The following PLXDC2 variants were observed in gnomAD, a reference collection of about 807,000 sequenced individuals.
PLXDC2 encodes the protein plexin domain-containing protein 2.
In PLXDC2, 40 loss-of-function variants were observed where a neutral mutation model predicts 68.9. The ratio of observed to expected loss-of-function variants is 0.58; its 90% CI spans 0.45 to 0.76. The LOEUF (loss-of-function observed/expected upper bound fraction) is 0.76. PLXDC2 is among the 30% of genes least tolerant of loss of function. The pLI is 0.00. For synonymous variants in PLXDC2, 243 were observed against 234.2 expected (o/e 1.04, Z -0.34); for missense variants, 644 against 661.9 (o/e 0.97, Z 0.30).
intron 4 of PLXDC2, among the ~76,000 whole-genome samples, chr10:20,132,681 A>T (rs556282587): frequency 5.3e-4 from 81 of 151,500 alleles, no homozygotes; most frequent in Non-Finnish European, 9.1e-4. Context: ...TTTTGCAGGG[A>T]CTATCTTTTT....
chr10:20,044,207 C>CTT (rs1409929525), intron 2 of PLXDC2, among the ~76,000 whole-genome samples: 19 of 90,000 alleles, frequency 2.1e-4, no homozygotes, highest in Admixed American at 3.7e-4. Flanking sequence ...CTCTCTCTCT[C>CTT]TCTGTCTTTC....
intron 4 of PLXDC2, among the ~76,000 whole-genome samples, chr10:20,093,840 A>G (rs1833313439): frequency 6.6e-6 from 1 of 151,938 alleles, no homozygotes; most frequent in Non-Finnish European, 1.5e-5. Context: ...TGCCTGGCTA[A>G]TTTTTTGTAT....
intron 1 of PLXDC2, among the ~76,000 whole-genome samples, chr10:19,841,265 A>T (rs1056745953): frequency 6.6e-6 from 1 of 152,316 alleles, no homozygotes; most frequent in Admixed American, 6.5e-5. Flanking sequence ...TGATTAAAAA[A>T]TCAGCCCATG....
rs1247150476 is a variant in PLXDC2 at position 20,193,470 on chromosome 10, TC to T, written c.1061+16062del. 1.4e-4 allele frequency among the ~76,000 whole-genome samples: 21 copies of T among 152,148 alleles called. 1 individual carries two copies. In the Middle Eastern group the frequency reaches 0.014, roughly 99 times the overall value. On this transcript the variant is annotated intron_variant, in intron 9 of 13. Transcript: ENST00000377252. ...AACAGACAGCAAGTGAGGGACCAAG[TC>T]AGACTGATAGAATAGTGTTTGCAGA... is the stretch of plus-strand genomic sequence containing the variant.
Position 20,117,421 on chromosome 10 carries a change from G to A in PLXDC2, c.542-25874G>A, listed in dbSNP as rs533944341. Among the ~76,000 whole-genome samples, 6 of 152,258 alleles carry A rather than the reference G, an allele frequency of 3.9e-5. No homozygotes were observed. The East Asian group carries it at 1.2e-3, about 29-fold the overall frequency. On this transcript the variant is annotated intron_variant, in intron 4 of 13. Transcript: ENST00000377252. ...TATGTGTTTGTGTGTGCATGCGTGT[G>A]TGTGAGTGCACATGTATACTGACAA...
intron 12 of PLXDC2, among the ~76,000 whole-genome samples, chr10:20,239,390 G>C (rs1441374582): frequency 6.6e-6 from 1 of 152,180 alleles, no homozygotes; most frequent in African/African-American, 2.4e-5. Flanking sequence ...ATAAACAAAA[G>C]AGGTTTAATT....
chr10:20,258,891 C>T (rs964815221), intron 13 of PLXDC2, among the ~76,000 whole-genome samples: 2 of 151,944 alleles, frequency 1.3e-5, no homozygotes, highest in South Asian at 4.2e-4. Context: ...GCTTGTAGTC[C>T]CAGCTACTCA....
chr10:20,287,734 G>A lies in PLXDC2; in HGVS notation c.*7915G>A, dbSNP rs1490305406. 1 of 152,124 alleles carries A rather than the reference G, an allele frequency of 6.6e-6. No individual in the cohort carries two copies. The highest frequency in any genetic ancestry group is 1.5e-5 in the Non-Finnish European group (1 of 68,030). The allele number at this position is 152,124 out of a possible 1,614,324, so 9.4% of individuals were successfully genotyped here. On this transcript the variant is annotated 3_prime_UTR_variant, in exon 14 of 14. Transcript: ENST00000377252. ...CCAGTCTTGGGGCCCTCACGGAGAAGAGGGGGAAGTCTTTTCATTGATTGG... is the reference window on the plus strand; with the variant it reads ...CCAGTCTTGGGGCCCTCACGGAGAAAAGGGGGAAGTCTTTTCATTGATTGG...
chr10:19,857,602 A>G (rs2131331899), intron 1 of PLXDC2, among the ~76,000 whole-genome samples: 1 of 152,310 alleles, frequency 6.6e-6, no homozygotes, highest in African/African-American at 2.4e-5. Context: ...TTCTTTTTCC[A>G]ATTTGTAAAG....
At chr10:20,071,100 G>C (rs2131709217) in intron 4 of PLXDC2, 1 of 152,254 alleles carries the variant, frequency 6.6e-6, no homozygotes, top group African/African-American at 2.4e-5. Flanking sequence ...AACAATCTGT[G>C]CTCTATTTAA....
chr10:20,109,719 A>G (rs779451321), intron 4 of PLXDC2, among the ~76,000 whole-genome samples: 2 of 152,232 alleles, frequency 1.3e-5, no homozygotes, highest in Admixed American at 6.5e-5. Flanking sequence ...CTATAATTAG[A>G]AAACGATCCC....
chr10:19,860,930 A>G (rs921515197), intron 1 of PLXDC2, among the ~76,000 whole-genome samples: 23 of 151,930 alleles, frequency 1.5e-4, no homozygotes, highest in African/African-American at 5.1e-4. Context: ...TACTTTCTCA[A>G]CATCTCTTAA....
intron 4 of PLXDC2, among the ~76,000 whole-genome samples, chr10:20,130,200 A>G (rs540916157): frequency 7.9e-5 from 12 of 152,156 alleles, no homozygotes; most frequent in South Asian, 4.1e-4. Flanking sequence ...TCTTTCACCA[A>G]TGCTTCAGTT....
chr10:20,058,077 G>C (rs901352921), intron 3 of PLXDC2, among the ~76,000 whole-genome samples: 3 of 152,040 alleles, frequency 2.0e-5, no homozygotes, highest in African/African-American at 7.2e-5. Flanking sequence ...ATTTCAAACA[G>C]CAATTGAATT....
chr10:20,123,452 A>G (rs1042007251), intron 4 of PLXDC2, among the ~76,000 whole-genome samples: 1 of 152,192 alleles, frequency 6.6e-6, no homozygotes, highest in Non-Finnish European at 1.5e-5. Context: ...ATCTTGTAAG[A>G]TGGAAAAATC....
chr10:19,947,239 G>A (rs1833916627), intron 1 of PLXDC2, among the ~76,000 whole-genome samples: 1 of 152,180 alleles, frequency 6.6e-6, no homozygotes, highest in Admixed American at 6.5e-5. Flanking sequence ...ATTTCAGTGA[G>A]ACCAGTTTTG....
intron 1 of PLXDC2, among the ~76,000 whole-genome samples, chr10:19,981,309 C>G (rs562642181): frequency 2.0e-5 from 3 of 152,298 alleles, no homozygotes; most frequent in African/African-American, 7.2e-5. Flanking sequence ...GTTTCACATC[C>G]TAGACCTTGA....
At chr10:19,870,936 G>A (rs529323800) in intron 1 of PLXDC2, among the ~76,000 whole-genome samples, 3 of 152,242 alleles carry the variant, frequency 2.0e-5, no homozygotes, top group African/African-American at 7.2e-5. Context: ...TAGATTCTGC[G>A]ATTATCTCCT....
At chr10:19,849,832 A>T (rs1369331025) in intron 1 of PLXDC2, among the ~76,000 whole-genome samples, 1 of 152,170 alleles carries the variant, frequency 6.6e-6, no homozygotes, top group Non-Finnish European at 1.5e-5. Flanking sequence ...TTAAAGGACT[A>T]TAAAAAGACA....
Sources: allele counts gnomAD v4.1 joint callset (sites outside exome capture counted in the v4.1 genomes callset), GRCh38; gene constraint gnomAD v4.1.1; transcripts MANE v1.5; gene names NCBI Gene and HGNC (gene_info 2026-07-23, HGNC 2026-07-21).